The following MYH15 variants were observed in gnomAD, a reference collection of about 807,000 sequenced individuals.
MYH15 encodes the protein myosin heavy chain 15.
In MYH15, 227 loss-of-function variants were observed where a neutral mutation model predicts 240.5. The ratio of observed to expected loss-of-function variants is 0.94; its 90% CI spans 0.85 to 1.05. The LOEUF (loss-of-function observed/expected upper bound fraction) is 1.05, where lower values mean the gene tolerates loss of function less well. MYH15 is among the 50% of genes least tolerant of loss of function. MYH15 has a pLI of 0.00. For missense variants in MYH15, 2,217 were observed against 2,247.5 expected (o/e 0.99, Z 0.27); for synonymous variants, 785 against 796.7 (o/e 0.99, Z 0.25).
chr3:108,476,523 T>G lies in MYH15; in HGVS notation c.1115-8A>C. On this transcript the variant is annotated splice_region_variant and splice_polypyrimidine_tract_variant and intron_variant, in intron 11 of 40. Transcript: ENST00000693548. ...AAGCAGCTTTGTCAGCATCTGGTCA[T>G]CAGAAATAGAAGAAAAGGAAGGAGA... 6.4e-7 allele frequency: 1 copy of G among 1,552,754 alleles called. No homozygotes were observed. Among genetic ancestry groups the G allele is most frequent in the Non-Finnish European group, 8.9e-7 (1 of 1,124,606 alleles).
chr3:108,410,568 C>A lies in MYH15; in HGVS notation c.4495+15G>T. On this transcript the variant is annotated intron_variant, in intron 31 of 40. Transcript: ENST00000693548. The stretch of plus-strand genomic sequence containing the variant: ...TACCCGCTCTGGCTTTGGCTCTGAG[C>A]CCAGCTCGGTGTACCTTGGAGGTTC... 6.4e-7 allele frequency: 1 copy of A among 1,554,380 alleles called. No homozygotes were observed. The highest frequency in any genetic ancestry group is 1.2e-5 in the South Asian group (1 of 82,692).
At chr3:108,433,387 A>G (rs548819392) in intron 25 of MYH15, among the ~76,000 whole-genome samples, 1 of 152,274 alleles carries the variant, frequency 6.6e-6, no homozygotes, top group South Asian at 2.1e-4. Flanking sequence ...TGTCTTGGAT[A>G]AGACTTTGGA....
chr3:108,522,470 C>G (rs1016307866), intron 1 of MYH15, among the ~76,000 whole-genome samples: 5 of 152,064 alleles, frequency 3.3e-5, no homozygotes, highest in African/African-American at 1.2e-4. Flanking sequence ...TTAAAACAAT[C>G]AAGTGAGAAT....
At chr3:108,506,639 C>T (rs2083478323) in intron 1 of MYH15, among the ~76,000 whole-genome samples, 1 of 152,084 alleles carries the variant, frequency 6.6e-6, no homozygotes, top group Non-Finnish European at 1.5e-5. Flanking sequence ...AATTCCAGAA[C>T]TTTGGGAGGC....
chr3:108,496,511 T>C (rs1014031558), intron 6 of MYH15, among the ~76,000 whole-genome samples: 9 of 152,228 alleles, frequency 5.9e-5, no homozygotes, highest in Non-Finnish European at 2.9e-5. Context: ...ATGTAGTATA[T>C]GGTATTTAAT....
chr3:108,523,464 C>T (rs922638081), intron 1 of MYH15, among the ~76,000 whole-genome samples: 1 of 151,800 alleles, frequency 6.6e-6, no homozygotes, highest in East Asian at 1.9e-4. Flanking sequence ...CTTCCAAAAA[C>T]ATTAAAGAAT....
At chr3:108,526,771 G>A (rs932100070) in intron 1 of MYH15, among the ~76,000 whole-genome samples, 2 of 152,158 alleles carry the variant, frequency 1.3e-5, no homozygotes, top group African/African-American at 4.8e-5. Flanking sequence ...CCATCTGATC[G>A]ATGTTGCAAG....
At chr3:108,479,917 T>C (rs866376330) in intron 11 of MYH15, among the ~76,000 whole-genome samples, 14 of 152,298 alleles carry the variant, frequency 9.2e-5, no homozygotes, top group South Asian at 4.1e-4. Flanking sequence ...TTATGGAAGG[T>C]TATAATACAA....
chr3:108,498,010 AGG>A (rs1346185926), intron 6 of MYH15, 40 bp downstream of exon 6: 1 of 1,550,450 alleles, frequency 6.4e-7, no homozygotes, highest in Admixed American at 1.7e-5. Context: ...TCCAGTGGAT[AGG>A]GCCACCTCAT....
chr3:108,398,680 T>A lies in MYH15; in HGVS notation c.5090A>T (p.Glu1697Val). The change falls in exon 35 of 41, where the codon GAG becomes GTG. Residue 1697 changes from glutamate (E) to valine (V), a missense_variant. Transcript: ENST00000693548. ...TERGRRLSEE[E>V]LLEATERINL... Reference sequence around the variant, plus strand: ...GATTCTTTCTGTTGCTTCCAGGAGCTCTTCTTCTGACAGCCTGCGGCCACG... The same window carrying A: ...GATTCTTTCTGTTGCTTCCAGGAGCACTTCTTCTGACAGCCTGCGGCCACG... The A allele has an allele frequency of 6.2e-7, 1 of 1,613,840 alleles. No homozygotes were observed. The highest frequency in any genetic ancestry group is 1.1e-5 in the South Asian group (1 of 91,066).
intron 37 of MYH15, among the ~76,000 whole-genome samples, chr3:108,390,330 T>C (rs970170927): frequency 9.2e-5 from 14 of 152,204 alleles, no homozygotes; most frequent in Admixed American, 8.5e-4. Flanking sequence ...TATCTGATAT[T>C]AAGGAGTTCA....
At chr3:108,386,284 C>T (rs2082383503) in intron 38 of MYH15, among the ~76,000 whole-genome samples, 1 of 152,134 alleles carries the variant, frequency 6.6e-6, no homozygotes, top group Non-Finnish European at 1.5e-5. Flanking sequence ...AAGGCAAAGC[C>T]ATTGATGTTA....
rs756953705 is a variant in MYH15, at chr3:108,394,136, C to G, written c.5154G>C (p.Gln1718His). The change falls in exon 36 of 41, where the codon CAG becomes CAC. Residue 1718 changes from glutamine to histidine, a missense_variant. Gln to His is a conservative substitution (Grantham distance 24). Transcript: ENST00000693548. ...CAACATCAGCCTCCAGTTTCTTCTT[C>G]TGGCTGAGGAGGCTTGTGTTCTAAA... ...FYTQNTSLLS[Q>H]KKKLEADVAR... is the part of the protein sequence containing the mutation. 4 of 1,613,966 alleles carry G rather than the reference C, an allele frequency of 2.5e-6. No homozygotes were observed. The highest frequency in any genetic ancestry group is 3.4e-6 in the Non-Finnish European group (4 of 1,179,960).
chr3:108,422,374 T>A lies in MYH15; in HGVS notation c.3703-1160A>T, dbSNP rs147350552. Reference sequence around the variant, plus strand: ...GTGGGATTATAGGCATGCGCCACCATGCCCAGCTAATTTTTGTATTTTTAG... The same window carrying A: ...GTGGGATTATAGGCATGCGCCACCAAGCCCAGCTAATTTTTGTATTTTTAG... On this transcript the variant is annotated intron_variant, in intron 27 of 40. Transcript: ENST00000693548. Among the ~76,000 whole-genome samples, 1,184 of 152,200 alleles carry A rather than the reference T, an allele frequency of 7.8e-3. 13 individuals carry two copies. Among genetic ancestry groups the A allele is most frequent in the African/African-American group, 0.022 (926 of 41,550 alleles).
chr3:108,474,484 T>C (rs937136081), intron 12 of MYH15, among the ~76,000 whole-genome samples: 6 of 150,632 alleles, frequency 4.0e-5, no homozygotes, highest in Non-Finnish European at 7.4e-5. Flanking sequence ...TTTTTGCTTT[T>C]TTTTGTTTTT....
upstream of MYH15, among the ~76,000 whole-genome samples, chr3:108,533,392 G>A (rs995248065): frequency 6.6e-6 from 1 of 151,988 alleles, no homozygotes; most frequent in African/African-American, 2.4e-5. Context: ...TAATCCTTCT[G>A]AGTCTTAGAT....
Position 108,469,697 on chromosome 3 carries a change from A to C in MYH15, c.1554+345T>G, listed in dbSNP as rs1054810393. ...CTCATTCACCTTATGTTAATCAGTT[A>C]GGCCCTACAGTGCTCATATTTTTAG... On this transcript the variant is annotated intron_variant, in intron 14 of 40. Transcript: ENST00000693548. Among the ~76,000 whole-genome samples the C allele has an allele frequency of 6.6e-5, 10 of 152,354 alleles. No homozygotes were observed. In the East Asian group the frequency reaches 1.9e-3, roughly 29 times the overall value.
In MYH15 at chr3:108,507,142, C is replaced by A. The variant is rs189541004; in HGVS notation, c.89-1313G>T. ...GATCACTTGAACCCAGGAGTTGGCT[C>A]ATTTTCTTTTAAAAGCATATTATAT... On this transcript the variant is annotated intron_variant, in intron 1 of 40. Coordinates refer to ENST00000693548, the MANE Select transcript of MYH15 (RefSeq NM_014981.3). Among the ~76,000 whole-genome samples, 42 of 150,924 alleles carry A rather than the reference C, an allele frequency of 2.8e-4. 1 individual carries two copies. The East Asian group carries it at 8.0e-3, about 29-fold the overall frequency.
intron 20 of MYH15, 43 bp downstream of exon 20, chr3:108,455,693 C>G: frequency 6.2e-7 from 1 of 1,602,544 alleles, no homozygotes; most frequent in Non-Finnish European, 8.5e-7. Flanking sequence ...ACAGTCTTCC[C>G]CCCATTCGTC....
Sources: gnomAD v4.1 joint callset for allele counts (sites outside exome capture counted in the v4.1 genomes callset) on GRCh38, gnomAD v4.1.1 for gene constraint, MANE v1.5 for transcripts, NCBI Gene and HGNC (gene_info 2026-07-23, HGNC 2026-07-21) for gene names.